MACO1: variants seen among roughly 807,000 people sequenced by gnomAD.
MACO1 encodes the protein macoilin.
MACO1 carries 14 observed loss-of-function variants against 78.7 expected under a neutral mutation model. That is an observed-to-expected ratio of 0.18 (90% confidence interval 0.12 to 0.28). The LOEUF is 0.28. Among genes scored for constraint, MACO1 ranks in the 10% least tolerant of loss-of-function variants. MACO1 has a pLI of 1.00. For synonymous variants in MACO1, 288 were observed against 291.6 expected (o/e 0.99, Z 0.12); for missense variants, 501 against 799.0 (o/e 0.63, Z 4.50).
chr1:25,471,879 C>T (rs1257644635), intron 6 of MACO1, among the ~76,000 whole-genome samples: 1 of 152,166 alleles, frequency 6.6e-6, no homozygotes, highest in East Asian at 1.9e-4. Context: ...TAAAATCCAG[C>T]ACTCCGTCAG....
At chr1:25,433,512 T>C (rs2124564951) in intron 1 of MACO1, among the ~76,000 whole-genome samples, 1 of 152,346 alleles carries the variant, frequency 6.6e-6, no homozygotes, top group Non-Finnish European at 1.5e-5. Context: ...CCTTGTTTTT[T>C]TTCTGGGGCC....
At chr1:25,469,095 GGC>G (rs143095655) in intron 6 of MACO1, among the ~76,000 whole-genome samples, 59,554 of 151,752 alleles carry the variant, frequency 0.39, 13,592 homozygotes, top group East Asian at 0.72. Context: ...TGCCTGCCTT[GGC>G]CTCCCAAAGT....
In MACO1 at chr1:25,465,258, T is replaced by C. The variant is rs116049413; in HGVS notation, c.1154+6366T>C. Among the ~76,000 whole-genome samples, 363 of 152,364 alleles carry C rather than the reference T, an allele frequency of 2.4e-3. 2 individuals are homozygous for C. The highest frequency in any genetic ancestry group is 8.6e-3 in the African/African-American group (356 of 41,576). ...AAGTTTTGGCAATTATAAATAAAGCTATAAACATCTATGTGCCGGTTTTGG... is the reference window on the plus strand; with the variant it reads ...AAGTTTTGGCAATTATAAATAAAGCCATAAACATCTATGTGCCGGTTTTGG... On this transcript the variant is annotated intron_variant, in intron 6 of 10. Transcript: ENST00000374343.
Position 25,458,653 on chromosome 1 carries a change from T to C in MACO1, c.915T>C (p.Ser305=). The stretch of plus-strand genomic sequence containing the variant: ...GATTAAATAATGATCTTGTGGGAAG[T>C]ACAGAAAATCTCTTGAAAGAGGACT... ...SKRLNNDLVG[S]TENLLKEDSC... The change falls in exon 6 of 11, where the codon AGT becomes AGC. Residue 305 remains serine (S), a synonymous_variant. Coordinates refer to ENST00000374343, the MANE Select transcript of MACO1 (RefSeq NM_018202.6). 3.7e-6 allele frequency: 6 copies of C among 1,614,084 alleles called. No homozygotes were observed. The highest frequency in any genetic ancestry group is 5.1e-6 in the Non-Finnish European group (6 of 1,180,010).
intron 3 of MACO1, among the ~76,000 whole-genome samples, chr1:25,452,476 T>A (rs4649086): frequency 0.58 from 88,577 of 151,808 alleles, 27,152 homozygotes; most frequent in African/African-American, 0.76. Context: ...TCAGAAAAAA[T>A]TTTTTTGAAC....
At chr1:25,471,352 AAAAG>A (rs928999038) in intron 6 of MACO1, among the ~76,000 whole-genome samples, 16 of 152,086 alleles carry the variant, frequency 1.1e-4, no homozygotes, top group Admixed American at 3.9e-4. Flanking sequence ...AAAAAAAAAA[AAAAG>A]AAAGAAAGAA....
intron 6 of MACO1, among the ~76,000 whole-genome samples, chr1:25,466,186 A>G (rs1181766678): frequency 6.6e-6 from 1 of 152,246 alleles, no homozygotes; most frequent in Non-Finnish European, 1.5e-5. Flanking sequence ...AGGAATCTCC[A>G]TACTGTTTGC....
Position 25,485,526 on chromosome 1 carries a change from C to A in MACO1, c.1314-87C>A. ...CTGTTCAAACCTCCTGTTTAATTGG[C>A]CTTAAGGTGATAAAGAGATGTTTCT... On this transcript the variant is annotated intron_variant, in intron 7 of 10. Coordinates refer to ENST00000374343, the MANE Select transcript of MACO1 (RefSeq NM_018202.6). This position sits in a 1 kb window ranked among gnomAD's most constrained non-coding sequence, Gnocchi z 4.3. The A allele has an allele frequency of 1.4e-6, 2 of 1,400,284 alleles. No individual in the cohort carries two copies. The highest frequency in any genetic ancestry group is 1.9e-6 in the Non-Finnish European group (2 of 1,033,110). 86.7% of individuals were successfully genotyped at this position (1,400,284 alleles called of 1,614,324 possible). A position where few individuals can be genotyped will look rare whatever the true frequency, so the allele number is the denominator to read the frequency against.
intron 5 of MACO1, among the ~76,000 whole-genome samples, chr1:25,457,094 A>AT (rs529945940): frequency 2.7e-5 from 4 of 150,054 alleles, no homozygotes; most frequent in East Asian, 1.9e-4. Flanking sequence ...TTTAATTCTG[A>AT]TTTTTTTTTA....
intron 6 of MACO1, 143 bp from the exon 7 acceptor site, chr1:25,483,973 A>G (rs2043403975): frequency 5.4e-6 from 4 of 746,630 alleles, no homozygotes; most frequent in South Asian, 2.1e-5. Context: ...CCAGTTGCAG[A>G]CAGGAGTCCT....
chr1:25,479,533 C>CA (rs1225955585), intron 6 of MACO1, among the ~76,000 whole-genome samples: 1 of 152,116 alleles, frequency 6.6e-6, no homozygotes, highest in African/African-American at 2.4e-5. Flanking sequence ...CCTGCCTCAG[C>CA]CTCCCCTGGT....
chr1:25,449,063 G>C (rs867136521), intron 3 of MACO1, 129 bp downstream of exon 3: 15 of 735,488 alleles, frequency 2.0e-5, no homozygotes, highest in Middle Eastern at 4.4e-4. Context: ...TTTCTTAATA[G>C]GTTATAATAT....
intron 7 of MACO1, among the ~76,000 whole-genome samples, chr1:25,484,774 G>C (rs1415970096): frequency 6.6e-6 from 1 of 152,088 alleles, no homozygotes; most frequent in Non-Finnish European, 1.5e-5. Flanking sequence ...ACTCAGTGTA[G>C]GTCTGTCCTT....
chr1:25,467,294 G>C (rs1200852820), intron 6 of MACO1, among the ~76,000 whole-genome samples: 1 of 152,068 alleles, frequency 6.6e-6, no homozygotes, highest in East Asian at 1.9e-4. Flanking sequence ...TCTAAGATCA[G>C]GCAGAGCAGG....
chr1:25,433,238 A>C (rs1337959207), intron 1 of MACO1, among the ~76,000 whole-genome samples: 2 of 151,936 alleles, frequency 1.3e-5, no homozygotes, highest in Non-Finnish European at 2.9e-5. Context: ...CTTGGTTTAT[A>C]TTATGGAGTA....
intron 10 of MACO1, among the ~76,000 whole-genome samples, chr1:25,496,498 A>T (rs968303330): frequency 6.6e-6 from 1 of 152,174 alleles, no homozygotes; most frequent in Non-Finnish European, 1.5e-5. Context: ...GTGCTTTTAC[A>T]TATACCAATC....
chr1:25,477,576 A>G (rs929453327), intron 6 of MACO1, among the ~76,000 whole-genome samples: 1 of 152,210 alleles, frequency 6.6e-6, no homozygotes, highest in African/African-American at 2.4e-5. Flanking sequence ...CAGCCCACAG[A>G]CATATATCTT....
At chr1:25,458,239 G>C in intron 5 of MACO1, 152 bp from the exon 6 acceptor site, 2 of 988,644 alleles carry the variant, frequency 2.0e-6, no homozygotes, top group South Asian at 5.8e-5. Flanking sequence ...TAAACTATGA[G>C]GATTTGCTTC....
chr1:25,431,297 T>A, intron 1 of MACO1, 119 bp downstream of exon 1: 1 of 557,908 alleles, frequency 1.8e-6, no homozygotes. Context: ...GGGGCTCTCC[T>A]AAGGAGCGCT....
Sources: gnomAD v4.1 joint callset for allele counts (sites outside exome capture counted in the v4.1 genomes callset) on GRCh38, gnomAD v4.1.1 for gene constraint, Gnocchi (gnomAD v3.1) non-coding constraint, MANE v1.5 for transcripts, NCBI Gene and HGNC (gene_info 2026-07-23, HGNC 2026-07-21) for gene names.